BEND7: variants seen among roughly 807,000 people sequenced by gnomAD.
BEND7 encodes the protein BEN domain containing 7, also known as BEN domain-containing protein 7.
Under a neutral mutation model 50.9 loss-of-function variants are expected in BEND7, and 28 were observed. That is an observed-to-expected ratio of 0.55 (90% CI 0.41 to 0.75). BEND7 has a LOEUF of 0.75. BEND7 is among the 30% of genes least tolerant of loss of function. The probability of loss-of-function intolerance (pLI) is 0.00; values close to 1 mark genes in which losing one functional copy is unlikely to be tolerated. For synonymous variants in BEND7, 170 were observed against 183.9 expected (o/e 0.92, Z 0.61); for missense variants, 477 against 491.3 (o/e 0.97, Z 0.28).
chr10:13,528,954 C>CGCG lies in BEND7; in HGVS notation c.-424_-422dup, dbSNP rs925363967. 1,631 of 138,510 alleles carry CGCG rather than the reference C, an allele frequency of 0.012. 35 individuals carry two copies. The highest frequency in any genetic ancestry group is 0.038 in the African/African-American group (1,458 of 38,082). The allele number at this position is 138,510 out of a possible 1,614,324, so 8.6% of individuals were successfully genotyped here. A position where few individuals can be genotyped will look rare whatever the true frequency, so the allele number is the denominator to read the frequency against. On this transcript the variant is annotated 5_prime_UTR_variant, in exon 1 of 9. Coordinates refer to ENST00000466271, the MANE Select transcript of BEND7 (RefSeq NM_001369863.1). ...GGCCCGCCTGGGCTCAGCCTGCGGT[C>CGCG]GCGGCGGCGGCGGCGGCGGCCCCGA...
intron 2 of BEND7, among the ~76,000 whole-genome samples, chr10:13,517,295 T>C (rs1433215966): frequency 6.6e-6 from 1 of 151,958 alleles, no homozygotes; most frequent in African/African-American, 2.4e-5. Flanking sequence ...GGTGAGGAAG[T>C]GCACAGCCTA....
chr10:13,522,641 G>A (rs541181172), intron 2 of BEND7, among the ~76,000 whole-genome samples: 7 of 152,266 alleles, frequency 4.6e-5, no homozygotes, highest in Admixed American at 3.9e-4. Context: ...ATACAGGAGC[G>A]AATCTTTCCT....
At position 13,452,460 on chromosome 10, in the gene BEND7, T is replaced by C. The variant is rs1239264411; in HGVS notation, c.1183+79A>G. The C allele has an allele frequency of 8.5e-6, 12 of 1,411,302 alleles. No individual in the cohort carries two copies. The East Asian group carries it at 2.8e-4, about 33-fold the overall frequency. 87.4% of individuals were successfully genotyped at this position (1,411,302 alleles called of 1,614,324 possible). The stretch of plus-strand genomic sequence containing the variant: ...CAAAAGACAAGATGCTGAAATAACC[T>C]AGAGCCAAGTATTGTACTTTATAAA... On this transcript the variant is annotated intron_variant, in intron 7 of 8. Transcript: ENST00000466271.
At chr10:13,440,181 C>A (rs1448439470), downstream of BEND7, among the ~76,000 whole-genome samples, 1 of 152,116 alleles carries the variant, frequency 6.6e-6, no homozygotes, top group Non-Finnish European at 1.5e-5. Context: ...GAGAGGTCTT[C>A]GAGCTGTTCT....
intron 5 of BEND7, among the ~76,000 whole-genome samples, chr10:13,481,892 C>T (rs547347437): frequency 9.9e-5 from 15 of 152,208 alleles, no homozygotes; most frequent in Non-Finnish European, 1.9e-4. Flanking sequence ...TCAACTTGGA[C>T]GCTATCGCAC....
downstream of BEND7, among the ~76,000 whole-genome samples, chr10:13,440,784 T>C (rs1484795302): frequency 6.6e-6 from 1 of 152,272 alleles, no homozygotes; most frequent in Non-Finnish European, 1.5e-5. Context: ...GTGAAGATTA[T>C]AAAGCTACCT....
rs760063623 is a variant in BEND7, at chr10:13,528,566, GGCGGCGGCA to G, written c.-42_-34del. 1.5e-5 allele frequency: 14 copies of G among 942,474 alleles called. No individual in the cohort carries two copies. Among genetic ancestry groups the G allele is most frequent in the Non-Finnish European group, 1.7e-5 (14 of 810,040 alleles). The allele number at this position is 942,474 out of a possible 1,614,324, so 58.4% of individuals were successfully genotyped here. ...GGAAGGCGGCGGCGGGGGCTGAGGA[GGCGGCGGCA>G]GCGGCGGCAGCGGCAGCGGCGGCAG... On this transcript the variant is annotated 5_prime_UTR_variant, in exon 1 of 9. Coordinates refer to ENST00000466271, the MANE Select transcript of BEND7 (RefSeq NM_001369863.1).
Position 13,527,726 on chromosome 10 carries a change from TAA to T in BEND7, c.61+745_61+746del, listed in dbSNP as rs60474158. ...GATGGCTCTTGAGTTATCATTTTTTTAAAAAAAAAAGTCAAATCAGGAAGATA... is the reference window on the plus strand; with the variant it reads ...GATGGCTCTTGAGTTATCATTTTTTTAAAAAAAAGTCAAATCAGGAAGATA... On this transcript the variant is annotated intron_variant, in intron 1 of 8. Coordinates refer to ENST00000466271, the MANE Select transcript of BEND7 (RefSeq NM_001369863.1). 5.5e-4 allele frequency: 288 copies of T among 523,302 alleles called. 1 individual carries two copies. Among genetic ancestry groups the T allele is most frequent in the Middle Eastern group, 9.9e-4 (1 of 1,012 alleles). The allele number at this position is 523,302 out of a possible 1,614,324, so 32.4% of individuals were successfully genotyped here. A position where few individuals can be genotyped will look rare whatever the true frequency, so the allele number is the denominator to read the frequency against.
intron 2 of BEND7, among the ~76,000 whole-genome samples, chr10:13,518,208 C>A (rs2078833207): frequency 6.6e-6 from 1 of 152,176 alleles, no homozygotes; most frequent in Admixed American, 6.5e-5. Flanking sequence ...AGTTGCTGAA[C>A]CACAATGAGC....
chr10:13,457,307 G>C (rs1839198897), intron 6 of BEND7, among the ~76,000 whole-genome samples: 2 of 152,186 alleles, frequency 1.3e-5, no homozygotes, highest in South Asian at 4.1e-4. Flanking sequence ...TGTCATGAGG[G>C]GGTTCAGATC....
intron 2 of BEND7, among the ~76,000 whole-genome samples, chr10:13,525,750 T>C (rs1376779916): frequency 1.3e-5 from 2 of 152,218 alleles, no homozygotes; most frequent in East Asian, 1.9e-4. Flanking sequence ...AAATAGCAGC[T>C]TCCTGGAAAT....
At chr10:13,518,222 C>T (rs914483355) in intron 2 of BEND7, among the ~76,000 whole-genome samples, 2 of 152,222 alleles carry the variant, frequency 1.3e-5, no homozygotes, top group Non-Finnish European at 2.9e-5. Flanking sequence ...AATGAGCCTT[C>T]CTGAGAAACA....
intron 5 of BEND7, among the ~76,000 whole-genome samples, chr10:13,491,742 T>C (rs961594645): frequency 1.3e-5 from 2 of 152,200 alleles, no homozygotes; most frequent in African/African-American, 4.8e-5. Flanking sequence ...TTAAAACTTT[T>C]TTAAAAAGCA....
At chr10:13,527,883 CTTTTCTTTTTTCTTTT>C in intron 1 of BEND7, 1 of 978,506 alleles carries the variant, frequency 1.0e-6, no homozygotes, top group Non-Finnish European at 1.2e-6. Context: ...TCTTTTCTTT[CTTTTCTTTTTTCTTTT>C]TTTTAAAGGA....
intron 6 of BEND7, among the ~76,000 whole-genome samples, chr10:13,455,183 C>CAACAAAACAA (rs373207955): frequency 6.6e-6 from 1 of 151,986 alleles, no homozygotes; most frequent in South Asian, 2.1e-4. Flanking sequence ...AACAAACACA[C>CAACAAAACAA]AACAAAACAA....
At chr10:13,491,476 G>A (rs2076656601) in intron 5 of BEND7, among the ~76,000 whole-genome samples, 1 of 151,732 alleles carries the variant, frequency 6.6e-6, no homozygotes, top group African/African-American at 2.4e-5. Flanking sequence ...GACTGGTCCA[G>A]CATAGAACGT....
At chr10:13,443,004 A>C (rs1436263062) in intron 8 of BEND7, 1 of 152,240 alleles carries the variant, frequency 6.6e-6, no homozygotes. Flanking sequence ...TTACATTAAA[A>C]TAAATACGTT....
intron 7 of BEND7, among the ~76,000 whole-genome samples, chr10:13,448,677 T>C (rs1836980509): frequency 6.6e-6 from 1 of 152,210 alleles, no homozygotes; most frequent in South Asian, 2.1e-4. Context: ...GGATGAAATA[T>C]GCAAGACCAA....
At chr10:13,468,005 A>G (rs1380739942) in intron 6 of BEND7, among the ~76,000 whole-genome samples, 1 of 152,158 alleles carries the variant, frequency 6.6e-6, no homozygotes, top group African/African-American at 2.4e-5. Context: ...AGACACCCTA[A>G]TATAAACAGC....
Sources: allele counts gnomAD v4.1 joint callset (sites outside exome capture counted in the v4.1 genomes callset), GRCh38; gene constraint gnomAD v4.1.1; transcripts MANE v1.5; gene names NCBI Gene and HGNC (gene_info 2026-07-23, HGNC 2026-07-21).